Variants in CDH22 observed in about 807,000 individuals in gnomAD.
CDH22 encodes cadherin-22.
In CDH22, 30 loss-of-function variants were observed where a neutral mutation model predicts 58.4. That is an observed-to-expected ratio of 0.51 (90% CI 0.38 to 0.70). The LOEUF (loss-of-function observed/expected upper bound fraction) is 0.70. Among genes scored for constraint, CDH22 ranks in the 30% least tolerant of loss-of-function variants. The pLI is 0.00. For synonymous variants in CDH22, 513 were observed against 558.2 expected (o/e 0.92, Z 1.14); for missense variants, 1,014 against 1,233.9 (o/e 0.82, Z 2.67).
chr20:46,289,765 G>A (rs180973767), intron 1 of CDH22, among the ~76,000 whole-genome samples: 2 of 152,330 alleles, frequency 1.3e-5, no homozygotes, highest in Admixed American at 6.5e-5. Context: ...AGGACCTGGG[G>A]TCACCTGGGA....
At chr20:46,254,670 A>T (rs2086397657) in intron 1 of CDH22, among the ~76,000 whole-genome samples, 1 of 152,128 alleles carries the variant, frequency 6.6e-6, no homozygotes, top group Admixed American at 6.5e-5. Context: ...AGTGGTAAAC[A>T]TTGAGAAGAA....
intron 1 of CDH22, among the ~76,000 whole-genome samples, chr20:46,263,406 C>CTGTGTGTGTGTGTG (rs3081942): frequency 3.3e-5 from 5 of 150,490 alleles, no homozygotes; most frequent in East Asian, 3.9e-4. Context: ...GCCTTCCATT[C>CTGTGTGTGTGTGTG]TGTGTGTGTG....
At chr20:46,223,666 C>CCTCT (rs796582914) in intron 4 of CDH22, among the ~76,000 whole-genome samples, 1 of 115,524 alleles carries the variant, frequency 8.7e-6, no homozygotes, top group East Asian at 2.5e-4. Context: ...TTTTTCTTTC[C>CCTCT]TTCTTTCTTT....
intron 4 of CDH22, among the ~76,000 whole-genome samples, chr20:46,223,466 C>T (rs1202329898): frequency 1.3e-5 from 2 of 152,204 alleles, no homozygotes; most frequent in African/African-American, 2.4e-5. Context: ...TCCTTTTGTG[C>T]TGGGGCTCAG....
rs370838347 is a variant in CDH22 at position 46,178,020 on chromosome 20, G to A, written c.1841C>T (p.Thr614Met). 3.7e-6 allele frequency: 6 copies of A among 1,613,984 alleles called. No homozygotes were observed. The highest frequency in any genetic ancestry group is 2.2e-5 in the South Asian group (2 of 91,088). The part of the protein sequence containing the change: ...SSGTIQSCNT[T>M]AFVMAASLSP... ...GAGGGAGGCGGCCATGACAAAGGCC[G>A]TGGTGTTGCAGGACTGGATGGTGCC... The change falls in exon 11 of 12, where the codon ACG becomes ATG. Residue 614 changes from threonine to methionine, a missense_variant. Thr to Met is a moderately conservative substitution (Grantham distance 81). Transcript: ENST00000537909.
intron 8 of CDH22, among the ~76,000 whole-genome samples, chr20:46,198,267 C>T (rs1276195558): frequency 6.7e-6 from 1 of 149,772 alleles, no homozygotes; most frequent in Non-Finnish European, 1.5e-5. Flanking sequence ...GCTCACATTT[C>T]TCCCTAGCTG....
intron 1 of CDH22, among the ~76,000 whole-genome samples, chr20:46,306,863 C>T (rs1480836294): frequency 2.0e-5 from 3 of 152,010 alleles, no homozygotes; most frequent in East Asian, 3.9e-4. Context: ...GACACATATA[C>T]GGGATACAAA....
intron 2 of CDH22, among the ~76,000 whole-genome samples, chr20:46,248,239 AG>A (rs2086344666): frequency 6.6e-6 from 1 of 152,106 alleles, no homozygotes; most frequent in Non-Finnish European, 1.5e-5. Context: ...GAGGTGATAA[AG>A]GCTAGGTAGG....
intron 2 of CDH22, among the ~76,000 whole-genome samples, chr20:46,244,626 C>G (rs142923652): frequency 1.3e-5 from 2 of 152,206 alleles, no homozygotes; most frequent in Non-Finnish European, 2.9e-5. Flanking sequence ...AGATGGCCCC[C>G]GGTCTGTTTG....
At chr20:46,287,550 T>C (rs1166070126) in intron 1 of CDH22, among the ~76,000 whole-genome samples, 1 of 151,516 alleles carries the variant, frequency 6.6e-6, no homozygotes, top group African/African-American at 2.4e-5. Context: ...GCTGGATGGA[T>C]TTTGCCAAGC....
chr20:46,269,419 C>T (rs145987369), intron 1 of CDH22, among the ~76,000 whole-genome samples: 1 of 152,238 alleles, frequency 6.6e-6, no homozygotes, highest in African/African-American at 2.4e-5. Flanking sequence ...ATAAATAGTA[C>T]TGAGCATAGC....
Position 46,210,457 on chromosome 20 carries a change from G to A in CDH22, c.1136C>T (p.Ala379Val), listed in dbSNP as rs757011961. 2 of 1,435,090 alleles carry A rather than the reference G, an allele frequency of 1.4e-6. No individual in the cohort carries two copies. The highest frequency in any genetic ancestry group is 9.2e-7 in the Non-Finnish European group (1 of 1,091,630). 88.9% of individuals were successfully genotyped at this position (1,435,090 alleles called of 1,614,324 possible). Residue 379 changes from alanine (A) to valine (V), a missense_variant, in exon 7 of 12, where the codon GCG becomes GTG. This residue lies in a region of CDH22 where 806 missense variants were observed against 1,038.7 expected (regional missense o/e 0.78). Coordinates refer to ENST00000537909, the MANE Select transcript of CDH22 (RefSeq NM_021248.3). The surrounding 1 kb of genome is among the most constrained non-coding windows in gnomAD (Gnocchi z 4.5). ...FADLGTFRDQ[A>V]IVRVAVTDVD... ...GTCGGTCACGGCCACGCGCACGATC[G>A]CCTGGTCGCGGAACGTGCCCAGGTC... is the stretch of plus-strand genomic sequence containing the variant.
intron 3 of CDH22, among the ~76,000 whole-genome samples, chr20:46,229,924 T>C: frequency 6.6e-6 from 1 of 152,126 alleles, no homozygotes; most frequent in Non-Finnish European, 1.5e-5. Flanking sequence ...GCTCTCTCTC[T>C]CCCTGGCTGC....
At chr20:46,226,292 C>T (rs67118771) in intron 4 of CDH22, among the ~76,000 whole-genome samples, 79,028 of 105,220 alleles carry the variant, frequency 0.75, 26,821 homozygotes, top group Middle Eastern at 0.8. Context: ...TCTTCTTCTT[C>T]TTTTTTTTTT....
rs558489727 is a variant in CDH22 at position 46,224,244 on chromosome 20, C to T, written c.670+3264G>A. Among the ~76,000 whole-genome samples, 4 of 152,344 alleles carry T rather than the reference C, an allele frequency of 2.6e-5. No individual in the cohort carries two copies. The East Asian group carries it at 7.7e-4, about 29-fold the overall frequency. ...TTATGTTATATGTGTACATGCTCAT[C>T]TTCTATATTCTCTACTTCAATAAAA... is the stretch of plus-strand genomic sequence containing the variant. On this transcript the variant is annotated intron_variant, in intron 4 of 11. Transcript: ENST00000537909.
intron 8 of CDH22, among the ~76,000 whole-genome samples, chr20:46,197,702 G>T (rs1268534092): frequency 6.6e-6 from 1 of 152,220 alleles, no homozygotes; most frequent in Non-Finnish European, 1.5e-5. Context: ...AGCCACCTTT[G>T]TTATCTCCCT....
chr20:46,258,200 G>T (rs2086415663), intron 1 of CDH22, among the ~76,000 whole-genome samples: 1 of 152,142 alleles, frequency 6.6e-6, no homozygotes, highest in Admixed American at 6.5e-5. Context: ...ACTGGAACAG[G>T]TTCAAGAGAA....
At chr20:46,259,392 A>G (rs959609904) in intron 1 of CDH22, among the ~76,000 whole-genome samples, 12 of 152,242 alleles carry the variant, frequency 7.9e-5, no homozygotes, top group African/African-American at 2.9e-4. Flanking sequence ...CCAGATTCTA[A>G]TGAGAGAAAT....
intron 1 of CDH22, among the ~76,000 whole-genome samples, chr20:46,297,171 A>G (rs531898910): frequency 7.9e-5 from 12 of 152,294 alleles, no homozygotes; most frequent in Admixed American, 3.3e-4. Flanking sequence ...GAGGGCTCGA[A>G]GCCAGGGGCT....
Sources: gnomAD v4.1 joint callset for allele counts (sites outside exome capture counted in the v4.1 genomes callset) on GRCh38, gnomAD v4.1.1 for gene constraint, gnomAD v4.1.1 regional missense constraint, Gnocchi (gnomAD v3.1) non-coding constraint, MANE v1.5 for transcripts, NCBI Gene and HGNC (gene_info 2026-07-23, HGNC 2026-07-21) for gene names.